Variants in BFSP2 observed in about 807,000 individuals in gnomAD.
BFSP2 encodes beaded filament structural protein 2, also known as phakinin.
A neutral mutation model predicts 44.9 loss-of-function variants in BFSP2; 38 were observed. That is an observed-to-expected ratio of 0.85 (90% CI 0.65 to 1.11). The LOEUF (loss-of-function observed/expected upper bound fraction) is 1.11, where lower values mean the gene tolerates loss of function less well. BFSP2 is among the 50% of genes least tolerant of loss of function. The probability of loss-of-function intolerance (pLI) is 0.00; values close to 1 mark genes in which losing one functional copy is unlikely to be tolerated. For synonymous variants in BFSP2, 197 were observed against 209.9 expected (o/e 0.94, Z 0.53); for missense variants, 525 against 533.0 (o/e 0.99, Z 0.15).
intron 5 of BFSP2, among the ~76,000 whole-genome samples, chr3:133,472,036 C>T (rs900402973): frequency 1.3e-5 from 2 of 151,952 alleles, no homozygotes; most frequent in East Asian, 1.9e-4. Flanking sequence ...CCTCTTGCCC[C>T]GCTCCTCTCT....
chr3:133,446,966 C>T (rs112683388), intron 1 of BFSP2, among the ~76,000 whole-genome samples: 1 of 151,882 alleles, frequency 6.6e-6, no homozygotes, highest in Non-Finnish European at 1.5e-5. Context: ...TTAAGAGCTG[C>T]TAGGCAAAGC....
chr3:133,447,872 A>AGT (rs1339157466), intron 2 of BFSP2, among the ~76,000 whole-genome samples: 1 of 152,210 alleles, frequency 6.6e-6, no homozygotes, highest in Admixed American at 6.5e-5. Flanking sequence ...ATGTCAGTGC[A>AGT]GTGCACAAGC....
At chr3:133,473,912 G>C (rs1031365730) in intron 6 of BFSP2, among the ~76,000 whole-genome samples, 1 of 152,124 alleles carries the variant, frequency 6.6e-6, no homozygotes, top group Non-Finnish European at 1.5e-5. Context: ...GCTTGCAGTG[G>C]ACTGTCCCTT....
intron 1 of BFSP2, among the ~76,000 whole-genome samples, chr3:133,424,763 G>A (rs895741714): frequency 6.6e-6 from 1 of 152,152 alleles, no homozygotes; most frequent in African/African-American, 2.4e-5. Flanking sequence ...AGCCTCTCAA[G>A]TAGCAGGGAT....
Position 133,466,859 on chromosome 3 carries a change from C to G in BFSP2, c.923C>G (p.Thr308Ser). Residue 308 changes from threonine to serine, a missense_variant, in exon 5 of 7, where the codon ACC (threonine) becomes AGC (serine). Coordinates refer to ENST00000302334, the MANE Select transcript of BFSP2 (RefSeq NM_003571.4). Reference protein sequence around the residue: ...QQAEVAHMSQTQEEKLAAALR... With the variant: ...QQAEVAHMSQSQEEKLAAALR... ...GCGGAGGTGGCCCACATGTCCCAGA[C>G]CCAGGAGGAGAAGCTGGCAGCTGCC... 1 of 1,613,840 alleles carries G rather than the reference C, an allele frequency of 6.2e-7. No individual in the cohort carries two copies. Among genetic ancestry groups the G allele is most frequent in the East Asian group, 2.2e-5 (1 of 44,874 alleles).
intron 1 of BFSP2, among the ~76,000 whole-genome samples, chr3:133,431,738 A>G (rs60427296): frequency 0.061 from 9,220 of 151,866 alleles, 803 homozygotes; most frequent in African/African-American, 0.2. Flanking sequence ...TCAAGGGTCT[A>G]TTTCCCTTGC....
chr3:133,409,227 GGTGTGT>G (rs56156448), intron 1 of BFSP2, among the ~76,000 whole-genome samples: 58 of 148,498 alleles, frequency 3.9e-4, no homozygotes, highest in Non-Finnish European at 5.4e-4. Flanking sequence ...TTCTGACACT[GGTGTGT>G]GTGTGTGTGT....
rs766533617 is a variant in BFSP2, at chr3:133,474,977, G to C, written c.*5G>C. On this transcript the variant is annotated 3_prime_UTR_variant, in exon 7 of 7. Coordinates refer to ENST00000302334, the MANE Select transcript of BFSP2 (RefSeq NM_003571.4). ...TATGTGTTTCCTTTCAGCTGATGGA[G>C]AAACTTCCTCTTTTTCATGAAGAAA... The C allele has an allele frequency of 4.3e-6, 7 of 1,614,058 alleles. No individual in the cohort carries two copies. In the Admixed American group the frequency reaches 1.2e-4, roughly 27 times the overall value.
intron 1 of BFSP2, among the ~76,000 whole-genome samples, chr3:133,445,238 T>G (rs1243074093): frequency 6.6e-6 from 1 of 152,162 alleles, no homozygotes; most frequent in African/African-American, 2.4e-5. Flanking sequence ...AACAAGTTGC[T>G]CTCAATGGAG....
chr3:133,425,889 A>C, intron 1 of BFSP2, among the ~76,000 whole-genome samples: 1 of 112,902 alleles, frequency 8.9e-6, no homozygotes. Context: ...AGGGAAGGGA[A>C]GGCAAGGGAA....
intron 5 of BFSP2, among the ~76,000 whole-genome samples, chr3:133,472,126 A>C (rs2074167943): frequency 6.6e-6 from 1 of 151,424 alleles, no homozygotes; most frequent in Non-Finnish European, 1.5e-5. Context: ...CATCAAAAAG[A>C]TCAATCAGAC....
At chr3:133,410,726 G>A (rs2073444315) in intron 1 of BFSP2, 1 of 248,434 alleles carries the variant, frequency 4.0e-6, no homozygotes, top group Non-Finnish European at 8.5e-6. Flanking sequence ...TGGAACCAGA[G>A]CTGTCCTCTG....
At chr3:133,450,016 AGGAG>A (rs1553782768) in intron 3 of BFSP2, among the ~76,000 whole-genome samples, 1 of 93,194 alleles carries the variant, frequency 1.1e-5, no homozygotes, top group Non-Finnish European at 2.1e-5. Flanking sequence ...GAAGGAAGGA[AGGAG>A]GGAGGGAGGG....
At chr3:133,462,658 C>CTGAT (rs1385543727) in intron 4 of BFSP2, among the ~76,000 whole-genome samples, 1 of 152,174 alleles carries the variant, frequency 6.6e-6, no homozygotes, top group East Asian at 1.9e-4. Context: ...ACAATTCCCA[C>CTGAT]TGATTTTTTT....
intron 4 of BFSP2, among the ~76,000 whole-genome samples, chr3:133,464,427 G>A (rs1162630040): frequency 6.6e-6 from 1 of 152,098 alleles, no homozygotes; most frequent in African/African-American, 2.4e-5. Flanking sequence ...TCCTTCATAG[G>A]GTTGTAAAGA....
intron 1 of BFSP2, among the ~76,000 whole-genome samples, chr3:133,437,520 T>A (rs2073800011): frequency 1.5e-5 from 2 of 129,530 alleles, no homozygotes; most frequent in South Asian, 2.5e-4. Flanking sequence ...CGAAACTCAG[T>A]CTCAAAAAAC....
chr3:133,421,579 T>G (rs1283115332), intron 1 of BFSP2, among the ~76,000 whole-genome samples: 2 of 152,074 alleles, frequency 1.3e-5, no homozygotes, highest in African/African-American at 2.4e-5. Flanking sequence ...TCTGTAAAGA[T>G]CTTATTTCCA....
chr3:133,422,995 T>A (rs1041381172), intron 1 of BFSP2, among the ~76,000 whole-genome samples: 3 of 152,238 alleles, frequency 2.0e-5, no homozygotes, highest in Non-Finnish European at 4.4e-5. Flanking sequence ...CACCCTGTCA[T>A]GGTTCCAGAT....
chr3:133,449,206 C>T lies in BFSP2; in HGVS notation c.729+561C>T, dbSNP rs775875145. On this transcript the variant is annotated intron_variant, in intron 3 of 6. Coordinates refer to ENST00000302334, the MANE Select transcript of BFSP2 (RefSeq NM_003571.4). ...GTTGAAAGAGTCAAAACCCACTTAA[C>T]GATGCTCACATTGGGAAGTTCTTTC... 43 of 154,790 alleles carry T rather than the reference C, an allele frequency of 2.8e-4. 1 individual carries two copies. Among genetic ancestry groups the T allele is most frequent in the Admixed American group, 8.2e-4 (13 of 15,912 alleles). 9.6% of individuals were successfully genotyped at this position (154,790 alleles called of 1,614,324 possible). A position where few individuals can be genotyped will look rare whatever the true frequency, so the allele number is the denominator to read the frequency against.
Sources: gnomAD v4.1 joint callset for allele counts (sites outside exome capture counted in the v4.1 genomes callset) on GRCh38, gnomAD v4.1.1 for gene constraint, MANE v1.5 for transcripts, NCBI Gene and HGNC (gene_info 2026-07-23, HGNC 2026-07-21) for gene names.